ARHGEF4: variants seen among roughly 807,000 people sequenced by gnomAD.
The protein encoded by ARHGEF4 is Rho guanine nucleotide exchange factor 4.
Under a neutral mutation model 162.0 loss-of-function variants are expected in ARHGEF4, and 119 were observed. The ratio of observed to expected loss-of-function variants is 0.73; its 90% CI spans 0.63 to 0.86. The LOEUF (loss-of-function observed/expected upper bound fraction) is 0.86, where lower values mean the gene tolerates loss of function less well. ARHGEF4 is among the 40% of genes least tolerant of loss of function. ARHGEF4 has a pLI of 0.00. For synonymous variants in ARHGEF4, 1,014 were observed against 979.9 expected (o/e 1.03, Z -0.65); for missense variants, 2,488 against 2,456.0 (o/e 1.01, Z -0.28).
chr2:130,898,046 G>A (rs1047026466), intron 1 of ARHGEF4, among the ~76,000 whole-genome samples: 2 of 152,222 alleles, frequency 1.3e-5, no homozygotes, highest in South Asian at 2.1e-4. Context: ...GGTTATGCAT[G>A]TGTGTGCTGA....
At chr2:130,927,231 G>C (rs1477926589) in intron 2 of ARHGEF4, among the ~76,000 whole-genome samples, 2 of 152,108 alleles carry the variant, frequency 1.3e-5, no homozygotes, top group African/African-American at 2.4e-5. Context: ...GCTAGCTGGT[G>C]GTGAAGGTGC....
chr2:130,990,907 T>C (rs1686907156), intron 4 of ARHGEF4, among the ~76,000 whole-genome samples: 1 of 152,180 alleles, frequency 6.6e-6, no homozygotes, highest in Admixed American at 6.5e-5. Context: ...CTCACACAGA[T>C]ATAGGGTTCA....
intron 1 of ARHGEF4, among the ~76,000 whole-genome samples, chr2:130,883,613 T>C (rs929848707): frequency 3.9e-5 from 6 of 152,202 alleles, no homozygotes; most frequent in Non-Finnish European, 8.8e-5. Flanking sequence ...GAGGCAGGAA[T>C]GGAGTCGCCT....
chr2:130,923,885 C>CTTTTTTT (rs11377085), intron 2 of ARHGEF4, among the ~76,000 whole-genome samples: 1 of 141,002 alleles, frequency 7.1e-6, no homozygotes. Flanking sequence ...CTTTTCTTTT[C>CTTTTTTT]TTTTTTTTTT....
chr2:130,992,112 A>G (rs745384341), intron 4 of ARHGEF4, among the ~76,000 whole-genome samples: 5 of 152,132 alleles, frequency 3.3e-5, no homozygotes, highest in Non-Finnish European at 7.3e-5. Flanking sequence ...CATACTCTGC[A>G]TCTAACTAAT....
chr2:130,854,153 C>A (rs1430514678), intron 1 of ARHGEF4, among the ~76,000 whole-genome samples: 1 of 152,148 alleles, frequency 6.6e-6, no homozygotes, highest in Non-Finnish European at 1.5e-5. Context: ...CAAAATGGTT[C>A]ATAAAATCCA....
intron 6 of ARHGEF4, chr2:131,039,532 C>T: frequency 3.9e-6 from 4 of 1,032,416 alleles, no homozygotes; most frequent in Non-Finnish European, 4.6e-6. Context: ...TGGCTCAGGG[C>T]GTCCAAGCTG....
At chr2:130,844,910 C>T (rs1680848287) in intron 1 of ARHGEF4, among the ~76,000 whole-genome samples, 1 of 151,876 alleles carries the variant, frequency 6.6e-6, no homozygotes, top group African/African-American at 2.4e-5. Context: ...TTGCAACCTC[C>T]ACCTCCGGGT....
chr2:130,969,808 C>T (rs1171079335), intron 4 of ARHGEF4, among the ~76,000 whole-genome samples: 1 of 152,008 alleles, frequency 6.6e-6, no homozygotes, highest in Non-Finnish European at 1.5e-5. Context: ...CCATTCATTC[C>T]CCAACTCCAG....
chr2:130,926,810 A>T (rs371482742), intron 2 of ARHGEF4, among the ~76,000 whole-genome samples: 76 of 48,948 alleles, frequency 1.6e-3, no homozygotes, highest in Non-Finnish European at 2.0e-3. Context: ...CTTCTGGCTG[A>T]TTTTTTTTTT....
At chr2:130,927,263 CCTGCA>C (rs1218357642) in intron 2 of ARHGEF4, among the ~76,000 whole-genome samples, 1 of 152,066 alleles carries the variant, frequency 6.6e-6, no homozygotes. Flanking sequence ...CAGGCCTTCT[CCTGCA>C]TTACCCCAGC....
chr2:131,014,132 C>A (rs1006056043), intron 4 of ARHGEF4, among the ~76,000 whole-genome samples: 1 of 152,092 alleles, frequency 6.6e-6, no homozygotes, highest in Non-Finnish European at 1.5e-5. Context: ...AATTTGGTAA[C>A]GATATTGCAT....
intron 4 of ARHGEF4, among the ~76,000 whole-genome samples, chr2:130,982,902 T>C (rs918767221): frequency 1.3e-5 from 2 of 152,204 alleles, no homozygotes; most frequent in African/African-American, 4.8e-5. Context: ...ACAGAATTAC[T>C]ATTAACTATA....
At chr2:130,839,079 C>G (rs1226106679) in intron 1 of ARHGEF4, among the ~76,000 whole-genome samples, 1 of 152,170 alleles carries the variant, frequency 6.6e-6, no homozygotes, top group East Asian at 1.9e-4. Context: ...ACCTGTGCCC[C>G]TCAGAGGGTC....
intron 3 of ARHGEF4, 25 bp from the exon 4 acceptor site, chr2:130,946,484 C>T (rs1490062188): frequency 1.9e-6 from 3 of 1,593,430 alleles, no homozygotes; most frequent in African/African-American, 2.7e-5. Context: ...TTCATTTGCC[C>T]TCTGTCTCTT....
At chr2:130,919,875 CA>C (rs199503484) in intron 2 of ARHGEF4, among the ~76,000 whole-genome samples, 13,139 of 138,528 alleles carry the variant, frequency 0.095, 694 homozygotes, top group East Asian at 0.22. Flanking sequence ...GACTCCCTCT[CA>C]AAAAAAAAAA....
chr2:130,921,836 C>T (rs1171698827), intron 2 of ARHGEF4, among the ~76,000 whole-genome samples: 1 of 151,746 alleles, frequency 6.6e-6, no homozygotes, highest in East Asian at 2.0e-4. Flanking sequence ...GGACTATAGG[C>T]GCCTGCCACC....
intron 1 of ARHGEF4, among the ~76,000 whole-genome samples, chr2:130,910,878 A>G (rs536720118): frequency 2.0e-4 from 30 of 152,344 alleles, no homozygotes; most frequent in African/African-American, 6.7e-4. Flanking sequence ...AATTATAATG[A>G]GCTTATTTTA....
chr2:130,898,193 C>G (rs62177057), intron 1 of ARHGEF4, among the ~76,000 whole-genome samples: 7,724 of 152,304 alleles, frequency 0.051, 266 homozygotes, highest in African/African-American at 0.087. Context: ...TGGGCAGGAG[C>G]ACGACAGACC....
Sources: allele counts gnomAD v4.1 joint callset (sites outside exome capture counted in the v4.1 genomes callset), GRCh38; gene constraint gnomAD v4.1.1; transcripts MANE v1.5; gene names NCBI Gene and HGNC (gene_info 2026-07-23, HGNC 2026-07-21).